Variants in CCNJL observed in about 807,000 individuals in gnomAD.
CCNJL encodes the protein cyclin J like.
CCNJL carries 33 observed loss-of-function variants against 33.4 expected under a neutral mutation model. That is an observed-to-expected ratio of 0.99 (90% CI 0.75 to 1.32). The LOEUF (loss-of-function observed/expected upper bound fraction) is 1.32, where lower values mean the gene tolerates loss of function less well. Ranked by LOEUF, CCNJL falls within the 40% of genes most tolerant of loss-of-function variation. CCNJL has a pLI of 0.00. For synonymous variants in CCNJL, 227 were observed against 220.9 expected (o/e 1.03, Z -0.24); for missense variants, 512 against 499.7 (o/e 1.02, Z -0.23).
chr5:160,255,934 G>C (rs1449268505), intron 4 of CCNJL, among the ~76,000 whole-genome samples: 5 of 152,186 alleles, frequency 3.3e-5, no homozygotes, highest in Non-Finnish European at 5.9e-5. Flanking sequence ...TGTTGCCCAG[G>C]CTGGAGTGCA....
intron 1 of CCNJL, among the ~76,000 whole-genome samples, chr5:160,325,813 A>C (rs1454669157): frequency 6.6e-6 from 1 of 152,198 alleles, no homozygotes; most frequent in Non-Finnish European, 1.5e-5. Flanking sequence ...TCAGCAAGCC[A>C]CAGCCTGTGG....
At chr5:160,259,893 G>C in intron 3 of CCNJL, 122 bp from the exon 4 acceptor site, 1 of 769,598 alleles carries the variant, frequency 1.3e-6, no homozygotes, top group Non-Finnish European at 2.1e-6. Context: ...AGACAGGCCA[G>C]ACTGCGGAGG....
intron 2 of CCNJL, among the ~76,000 whole-genome samples, chr5:160,287,789 G>A (rs1762456592): frequency 1.3e-5 from 2 of 152,194 alleles, no homozygotes; most frequent in South Asian, 2.1e-4. Flanking sequence ...GGCGCTGGGC[G>A]GGCAGGAACC....
intron 2 of CCNJL, among the ~76,000 whole-genome samples, chr5:160,301,692 C>T (rs1489447256): frequency 1.3e-5 from 2 of 151,170 alleles, no homozygotes; most frequent in Non-Finnish European, 2.9e-5. Context: ...GCCTCGGCCT[C>T]CCAAAGTGCT....
intron 3 of CCNJL, among the ~76,000 whole-genome samples, chr5:160,276,670 G>A (rs1762024266): frequency 6.6e-6 from 1 of 152,152 alleles, no homozygotes; most frequent in Admixed American, 6.5e-5. Flanking sequence ...TCCTTTTAAG[G>A]TGATAAAAAT....
Position 160,259,705 on chromosome 5 carries a change from C to T in CCNJL, c.347G>A (p.Ser116Asn). ...CTTGGTGAGGGTGAAGTTCTGGCTGCTCAGGATCCTCGTGCTGTTTATTTG... is the reference window on the plus strand; with the variant it reads ...CTTGGTGAGGGTGAAGTTCTGGCTGTTCAGGATCCTCGTGCTGTTTATTTG... ...LEQINSTRIL[S>N]SQNFTLTKKE... Residue 116 changes from serine to asparagine, a missense_variant, in exon 4 of 6, where the codon AGC becomes AAC. By Grantham distance (46) the Ser-to-Asn change is conservative. Coordinates refer to ENST00000257536, the MANE Select transcript of CCNJL (RefSeq NM_001308173.3). The T allele has an allele frequency of 6.2e-7, 1 of 1,614,158 alleles. No individual in the cohort carries two copies. The highest frequency in any genetic ancestry group is 1.1e-5 in the South Asian group (1 of 91,082).
chr5:160,257,898 G>A lies in CCNJL; in HGVS notation c.583+1571C>T, dbSNP rs1434911568. Among the ~76,000 whole-genome samples, 9 of 151,122 alleles carry A rather than the reference G, an allele frequency of 6.0e-5. No homozygotes were observed. In the East Asian group the frequency reaches 1.7e-3, roughly 29 times the overall value. Reference sequence around the variant, plus strand: ...TCTTGTTCTTGTTGCCCAAGCTGGAGTTCAATGGCACGATCTCGGCTCACT... The same window carrying A: ...TCTTGTTCTTGTTGCCCAAGCTGGAATTCAATGGCACGATCTCGGCTCACT... On this transcript the variant is annotated intron_variant, in intron 4 of 5. Coordinates refer to ENST00000257536, the MANE Select transcript of CCNJL (RefSeq NM_001308173.3).
chr5:160,339,381 A>C (rs572211804), intron 1 of CCNJL: 38 of 361,932 alleles, frequency 1.0e-4, no homozygotes, highest in Admixed American at 2.2e-4. Context: ...ACAAAAAAAA[A>C]CGCCAAAACC....
intron 4 of CCNJL, among the ~76,000 whole-genome samples, chr5:160,258,780 T>G (rs561853008): frequency 6.6e-5 from 10 of 152,328 alleles, no homozygotes. Context: ...CACTGCAATC[T>G]CCGCCACCTG....
At chr5:160,306,958 T>C (rs568560660) in intron 2 of CCNJL, among the ~76,000 whole-genome samples, 10 of 152,360 alleles carry the variant, frequency 6.6e-5, no homozygotes, top group East Asian at 1.9e-4. Flanking sequence ...CAGGAGAACA[T>C]GCAGGTCTGT....
At chr5:160,313,652 C>T (rs1763340208), upstream of CCNJL, among the ~76,000 whole-genome samples, 1 of 152,124 alleles carries the variant, frequency 6.6e-6, no homozygotes, top group Non-Finnish European at 1.5e-5. Flanking sequence ...TAAAAATAAA[C>T]TGAATAAATG....
intron 2 of CCNJL, among the ~76,000 whole-genome samples, chr5:160,289,998 G>A (rs1180886478): frequency 1.3e-5 from 2 of 152,182 alleles, no homozygotes; most frequent in Non-Finnish European, 1.5e-5. Context: ...CGGGGAGGGG[G>A]AGGAAAAAAT....
Position 160,253,360 on chromosome 5 carries a change from G to A in CCNJL, c.*18C>T, listed in dbSNP as rs767452083. ...CTGCCCACATCTCCAAGGCTTCCTC[G>A]TGAGGTCTGGAGGTGGCCTATCTGT... is the stretch of plus-strand genomic sequence containing the variant. On this transcript the variant is annotated 3_prime_UTR_variant, in exon 6 of 6. Coordinates refer to ENST00000257536, the MANE Select transcript of CCNJL (RefSeq NM_001308173.3). 7.1e-6 allele frequency: 11 copies of A among 1,549,488 alleles called. No individual in the cohort carries two copies. The highest frequency in any genetic ancestry group is 5.4e-5 in the African/African-American group (4 of 73,650).
At chr5:160,331,703 G>A (rs1763610608) in intron 1 of CCNJL, among the ~76,000 whole-genome samples, 1 of 152,196 alleles carries the variant, frequency 6.6e-6, no homozygotes, top group South Asian at 2.1e-4. Context: ...CAATACAGCT[G>A]CCTGTTCTGC....
chr5:160,279,181 T>C (rs979368749), intron 3 of CCNJL, among the ~76,000 whole-genome samples: 2 of 152,026 alleles, frequency 1.3e-5, no homozygotes, highest in African/African-American at 4.8e-5. Flanking sequence ...CAGGAGAAAG[T>C]GGGTGCCATA....
In CCNJL at chr5:160,291,498, C is replaced by T. The variant is rs182118174; in HGVS notation, c.67-10760G>A. 2.0e-3 allele frequency among the ~76,000 whole-genome samples: 300 copies of T among 152,320 alleles called. 3 individuals are homozygous for T. The highest frequency in any genetic ancestry group is 6.7e-3 in the African/African-American group (278 of 41,576). On this transcript the variant is annotated intron_variant, in intron 2 of 5. Coordinates refer to ENST00000257536, the MANE Select transcript of CCNJL (RefSeq NM_001308173.3). The stretch of plus-strand genomic sequence containing the variant: ...CTGAATTTATCCACAGGACACTCCT[C>T]CTGCCCTCCTCCCTCTTTGGGGGCA...
At chr5:160,266,955 G>A (rs1366387932) in intron 3 of CCNJL, among the ~76,000 whole-genome samples, 1 of 152,154 alleles carries the variant, frequency 6.6e-6, no homozygotes, top group Non-Finnish European at 1.5e-5. Flanking sequence ...AGGAAGAAAG[G>A]GGAGTGAGTG....
chr5:160,276,604 G>A (rs577119108), intron 3 of CCNJL, among the ~76,000 whole-genome samples: 61 of 152,266 alleles, frequency 4.0e-4, no homozygotes, highest in African/African-American at 1.4e-3. Context: ...ATTAGTGGCT[G>A]CCAGAGCTGG....
intron 2 of CCNJL, 159 bp from the exon 3 acceptor site, chr5:160,280,897 G>A (rs1762189024): frequency 2.8e-6 from 2 of 704,406 alleles, no homozygotes. Flanking sequence ...GCCCCGCCTG[G>A]GCTATCTCCC....
Sources: gnomAD v4.1 joint callset for allele counts (sites outside exome capture counted in the v4.1 genomes callset) on GRCh38, gnomAD v4.1.1 for gene constraint, MANE v1.5 for transcripts, NCBI Gene and HGNC (gene_info 2026-07-23, HGNC 2026-07-21) for gene names.